The following RANBP2 variants were observed in gnomAD, a reference collection of about 807,000 sequenced individuals.
The protein encoded by RANBP2 is RAN binding protein 2.
In RANBP2, 57 loss-of-function variants were observed where a neutral mutation model predicts 303.6. That is an observed-to-expected ratio of 0.19 (90% CI 0.15 to 0.23). The LOEUF is 0.23. Among genes scored for constraint, RANBP2 ranks in the 10% least tolerant of loss-of-function variants. The probability of loss-of-function intolerance (pLI) is 1.00; values close to 1 mark genes in which losing one functional copy is unlikely to be tolerated. For synonymous variants in RANBP2, 1,167 were observed against 1,301.5 expected, an observed-to-expected ratio of 0.90 and a Z score of 2.23; for missense variants, 3,138 against 3,780.8, an observed-to-expected ratio of 0.83 and a Z score of 4.46.
At chr2:108,944,014 G>GATGT in the RANBP2 span, among the ~76,000 whole-genome samples, 1 of 152,230 alleles carries the variant, frequency 6.6e-6, no homozygotes, top group Non-Finnish European at 1.5e-5. Flanking sequence ...TAAAAGGCTT[G>GATGT]ATGTAGATTG....
At chr2:108,755,478 C>G (rs1676236543) in intron 17 of RANBP2, among the ~76,000 whole-genome samples, 1 of 151,708 alleles carries the variant, frequency 6.6e-6, no homozygotes, top group Admixed American at 6.6e-5. Flanking sequence ...GTGGCTTCGA[C>G]CTCCTAGCTC....
At chr2:109,039,464 G>C in the RANBP2 span, among the ~76,000 whole-genome samples, 1,033 of 152,168 alleles carry the variant, frequency 6.8e-3, 6 homozygotes, top group East Asian at 0.035. Flanking sequence ...AATTCTCCTG[G>C]CTCGGCCTCC....
the RANBP2 span, among the ~76,000 whole-genome samples, chr2:109,447,941 G>C: frequency 0.065 from 9,842 of 152,262 alleles, 996 homozygotes; most frequent in African/African-American, 0.21. Flanking sequence ...CATGCAGGCA[G>C]AGCAGCAAAT....
downstream of RANBP2, chr2:108,786,688 C>CGCCCCGCCCCGCCCCGCCCT (rs1678797405): frequency 1.2e-6 from 1 of 819,406 alleles, no homozygotes; most frequent in African/African-American, 1.8e-5. Flanking sequence ...CGGGTCGCCC[C>CGCCCCGCCCCGCCCCGCCCT]GCCCCGCCCT....
the RANBP2 span, among the ~76,000 whole-genome samples, chr2:109,569,367 G>A: frequency 6.6e-6 from 1 of 151,130 alleles, no homozygotes; most frequent in Admixed American, 6.6e-5. Flanking sequence ...GGAGGCAGAG[G>A]TTGCAGTGAG....
chr2:109,726,617 G>A, the RANBP2 span, among the ~76,000 whole-genome samples: 2 of 152,152 alleles, frequency 1.3e-5, no homozygotes, highest in African/African-American at 4.8e-5. Context: ...ATCCTGGTCA[G>A]CTTCCTAACC....
chr2:108,730,751 T>C (rs781429936), intron 2 of RANBP2, 23 bp from the exon 3 acceptor site: 1 of 1,608,912 alleles, frequency 6.2e-7, no homozygotes, highest in South Asian at 1.1e-5. Context: ...TTAATTTACT[T>C]TTGTATTACT....
chr2:109,317,796 G>A, the RANBP2 span, among the ~76,000 whole-genome samples: 1 of 152,166 alleles, frequency 6.6e-6, no homozygotes, highest in Non-Finnish European at 1.5e-5. Flanking sequence ...GTGCTAACTG[G>A]GGATGTATCC....
chr2:109,685,602 A>G, the RANBP2 span, among the ~76,000 whole-genome samples: 1 of 152,332 alleles, frequency 6.6e-6, no homozygotes, highest in Non-Finnish European at 1.5e-5. Context: ...TGCCCCCTGC[A>G]CGGCCTGGTG....
At chr2:109,497,986 G>T in the RANBP2 span, among the ~76,000 whole-genome samples, 1 of 152,178 alleles carries the variant, frequency 6.6e-6, no homozygotes, top group Non-Finnish European at 1.5e-5. Flanking sequence ...GTAGGATGGC[G>T]CTGATCCTGT....
the RANBP2 span, chr2:109,544,402 T>C: frequency 1.3e-6 from 2 of 1,503,970 alleles, no homozygotes; most frequent in Non-Finnish European, 8.8e-7. Context: ...GCATCTAGTA[T>C]ATTATAGGAT....
rs1677002898 is a variant in RANBP2, at chr2:108,764,858, A to G, written c.4319A>G (p.Asn1440Ser). 1.9e-6 allele frequency: 3 copies of G among 1,614,058 alleles called. No individual in the cohort carries two copies. The highest frequency in any genetic ancestry group is 2.5e-6 in the Non-Finnish European group (3 of 1,179,916). Residue 1440 changes from asparagine (N) to serine (S), a missense_variant, in exon 20 of 29, where the codon AAT becomes AGT. Asn to Ser is a conservative substitution (Grantham distance 46). This residue lies in a region of RANBP2 where 388 missense variants were observed against 328.5 expected (regional missense o/e 1.18). Transcript: ENST00000283195. ...PTVSRCIACQ[N>S]TKSANKSGSS... ...GTATCTAGGTGCATTGCGTGTCAGA[A>G]TACAAAATCTGCTAACAAAAGTGGA...
In RANBP2 at chr2:108,765,000, A is replaced by G. The variant is rs1292578691; in HGVS notation, c.4461A>G (p.Ala1487=). ...STKEGQWDCS[A]CLVQNEGSST... is the part of the protein sequence containing the mutation. Reference sequence around the variant, plus strand: ...AGGAAGGACAGTGGGATTGCAGTGCATGTTTGGTACAAAATGAGGGGAGCT... The same window carrying G: ...AGGAAGGACAGTGGGATTGCAGTGCGTGTTTGGTACAAAATGAGGGGAGCT... Residue 1487 remains alanine (A), a synonymous_variant, in exon 20 of 29, where the codon GCA becomes GCG. Coordinates refer to ENST00000283195, the MANE Select transcript of RANBP2 (RefSeq NM_006267.5). The G allele has an allele frequency of 1.9e-6, 3 of 1,611,290 alleles. No individual in the cohort carries two copies. The highest frequency in any genetic ancestry group is 3.4e-5 in the Admixed American group (2 of 59,354).
chr2:109,150,546 A>G, the RANBP2 span, among the ~76,000 whole-genome samples: 1 of 152,240 alleles, frequency 6.6e-6, no homozygotes, highest in African/African-American at 2.4e-5. Flanking sequence ...GGACAGGTAT[A>G]GATAGGTGCT....
the RANBP2 span, among the ~76,000 whole-genome samples, chr2:109,264,971 C>T: frequency 6.6e-6 from 1 of 152,178 alleles, no homozygotes; most frequent in African/African-American, 2.4e-5. Flanking sequence ...GACTAGGGAA[C>T]ATGCATCAGA....
At chr2:109,532,589 C>A in the RANBP2 span, among the ~76,000 whole-genome samples, 1 of 152,108 alleles carries the variant, frequency 6.6e-6, no homozygotes, top group African/African-American at 2.4e-5. Flanking sequence ...TTATTTCTCT[C>A]AGGTGAACTC....
chr2:109,613,634 A>T, the RANBP2 span: 1 of 411,084 alleles, frequency 2.4e-6, no homozygotes, highest in Non-Finnish European at 3.8e-6. Context: ...CTCCCGCCCC[A>T]GGCGCCCGGC....
At chr2:109,634,672 C>G in the RANBP2 span, among the ~76,000 whole-genome samples, 1 of 152,128 alleles carries the variant, frequency 6.6e-6, no homozygotes, top group Admixed American at 6.5e-5. Flanking sequence ...ATTGGTACAT[C>G]TATGTGGAAA....
the RANBP2 span, among the ~76,000 whole-genome samples, chr2:108,963,528 G>A: frequency 2.0e-5 from 3 of 152,134 alleles, no homozygotes; most frequent in African/African-American, 2.4e-5. Context: ...CAATGGTTTC[G>A]TCTGGTAAAA....
Sources: gnomAD v4.1 joint callset for allele counts (sites outside exome capture counted in the v4.1 genomes callset) on GRCh38, gnomAD v4.1.1 for gene constraint, gnomAD v4.1.1 regional missense constraint, MANE v1.5 for transcripts, NCBI Gene and HGNC (gene_info 2026-07-23, HGNC 2026-07-21) for gene names.